Variants in KDM5A observed in about 807,000 individuals in gnomAD.
KDM5A encodes lysine demethylase 5A, also known as lysine-specific demethylase 5A.
KDM5A carries 42 observed loss-of-function variants against 193.5 expected under a neutral mutation model. The observed-to-expected ratio is 0.22, with a 90% CI of 0.17 to 0.28. The LOEUF is 0.28. Among genes scored for constraint, KDM5A ranks in the 10% least tolerant of loss-of-function variants. KDM5A has a pLI of 1.00. For synonymous variants in KDM5A, 796 were observed against 718.1 expected (o/e 1.11, Z -1.73); for missense variants, 1,692 against 2,055.1 (o/e 0.82, Z 3.42).
chr12:348,055 A>C (rs1944101121), intron 10 of KDM5A, among the ~76,000 whole-genome samples: 1 of 152,178 alleles, frequency 6.6e-6, no homozygotes. Flanking sequence ...AAGAACTCAA[A>C]CAAATTTACA....
Position 307,323 on chromosome 12 carries a change from G to A in KDM5A, c.3930+131C>T. The A allele has an allele frequency of 9.2e-7, 1 of 1,086,620 alleles. No individual in the cohort carries two copies. The highest frequency in any genetic ancestry group is 1.4e-6 in the Non-Finnish European group (1 of 725,624). The allele number at this position is 1,086,620 out of a possible 1,614,324, so 67.3% of individuals were successfully genotyped here. A position where few individuals can be genotyped will look rare whatever the true frequency, so the allele number is the denominator to read the frequency against. ...AAAAAGTGCTATAGTGTATGTTGAA[G>A]GAGAATGCAATGGATAATTGCTGAC... On this transcript the variant is annotated intron_variant, in intron 23 of 27. Transcript: ENST00000399788. This position sits in a 1 kb window ranked among gnomAD's most constrained non-coding sequence, Gnocchi z 4.3.
rs1943138809 is a variant in KDM5A at position 280,087 on chromosome 12, A to G, written c.*5369T>C. Reference sequence around the variant, plus strand: ...ATTAAATCAAGTCTTTCTTCCTACCAAAGTAGAAATACACTTTACAGAACA... The same window carrying G: ...ATTAAATCAAGTCTTTCTTCCTACCGAAGTAGAAATACACTTTACAGAACA... On this transcript the variant is annotated 3_prime_UTR_variant, in exon 28 of 28. Transcript: ENST00000399788. 9.0e-6 allele frequency: 2 copies of G among 223,018 alleles called. No individual in the cohort carries two copies. The highest frequency in any genetic ancestry group is 2.2e-5 in the African/African-American group (1 of 44,964). The allele number at this position is 223,018 out of a possible 1,614,324, so 13.8% of individuals were successfully genotyped here.
intron 27 of KDM5A, among the ~76,000 whole-genome samples, chr12:286,853 T>A (rs1390454182): frequency 6.6e-6 from 1 of 152,156 alleles, no homozygotes; most frequent in Non-Finnish European, 1.5e-5. Flanking sequence ...ACTTGTTTTG[T>A]TCCTATGCTA....
At chr12:311,221 C>T (rs1943582034) in intron 20 of KDM5A, 157 bp from the exon 21 acceptor site, 1 of 685,986 alleles carries the variant, frequency 1.5e-6, no homozygotes, top group Admixed American at 2.8e-5. Context: ...TTCCAATGTC[C>T]TATTTTTTAA....
At chr12:380,547 T>C (rs1469499020) in intron 3 of KDM5A, among the ~76,000 whole-genome samples, 2 of 151,982 alleles carry the variant, frequency 1.3e-5, no homozygotes, top group African/African-American at 2.4e-5. Context: ...AAAAACCCCA[T>C]CTTTACTAAA....
intron 14 of KDM5A, among the ~76,000 whole-genome samples, chr12:326,698 A>G (rs980669551): frequency 6.6e-6 from 1 of 152,002 alleles, no homozygotes; most frequent in African/African-American, 2.4e-5. Flanking sequence ...CATCTCTACT[A>G]AAAATACAAA....
rs993539255 is a variant in KDM5A at position 310,845 on chromosome 12, AAATT to A, written c.3216+36_3216+39del. On this transcript the variant is annotated intron_variant, in intron 21 of 27. Transcript: ENST00000399788. ...ACCCTCACCAATACTATTACTACTT[AAATT>A]ATCAGCTGCTTATGAGAGTGTTGAA... 5.0e-6 allele frequency: 8 copies of A among 1,595,030 alleles called. No individual in the cohort carries two copies. The African/African-American group carries it at 8.1e-5, about 16-fold the overall frequency.
chr12:309,879 T>C lies in KDM5A; in HGVS notation c.3302A>G (p.Lys1101Arg). The C allele has an allele frequency of 6.2e-7, 1 of 1,613,854 alleles. No individual in the cohort carries two copies. Residue 1101 changes from lysine (K) to arginine (R), a missense_variant, in exon 22 of 28, where the codon AAA (lysine) becomes AGA (arginine). Physicochemically the swap from Lys to Arg is conservative, Grantham distance 26. Transcript: ENST00000399788. ...AGGCTCCAGGTCCAGATCCTTTTCT[T>C]TTTCTTTTTCTATTAGTTCTTTTAC... ...KKVKELIEKE[K>R]EKDLDLEPLS...
intron 10 of KDM5A, among the ~76,000 whole-genome samples, chr12:336,033 T>C (rs1222861811): frequency 1.0e-5 from 1 of 96,932 alleles, no homozygotes; most frequent in South Asian, 3.2e-4. Flanking sequence ...ACAAGAGCGA[T>C]ACTTCATCTC....
intron 14 of KDM5A, among the ~76,000 whole-genome samples, chr12:326,609 C>T (rs572665275): frequency 3.3e-5 from 5 of 152,178 alleles, no homozygotes; most frequent in Non-Finnish European, 7.3e-5. Flanking sequence ...CGCCTGTAAT[C>T]CCAGCACTTT....
intron 5 of KDM5A, among the ~76,000 whole-genome samples, chr12:358,894 C>G (rs555459155): frequency 6.6e-6 from 1 of 152,086 alleles, no homozygotes; most frequent in African/African-American, 2.4e-5. Context: ...CTGCTTGAAC[C>G]CGGAAGGCAG....
rs149401930 is a variant in KDM5A, at chr12:291,603, G to T, written c.4866+1156C>A. Among the ~76,000 whole-genome samples the T allele has an allele frequency of 1.8e-4, 28 of 152,144 alleles. No individual in the cohort carries two copies. In the East Asian group the frequency reaches 4.8e-3, roughly 26 times the overall value. ...TAAGTATTTCATTGAAAAAGTGAGG[G>T]CATAACCTATAGGGAACAGTGATGC... On this transcript the variant is annotated intron_variant, in intron 27 of 27. Transcript: ENST00000399788.
intron 20 of KDM5A, among the ~76,000 whole-genome samples, chr12:311,760 G>A (rs1182047963): frequency 3.3e-5 from 5 of 152,096 alleles, no homozygotes; most frequent in Non-Finnish European, 5.9e-5. Context: ...CAGGCCAGGC[G>A]CGGTGGCTCA....
At chr12:298,805 A>C (rs896712237) in intron 24 of KDM5A, among the ~76,000 whole-genome samples, 1 of 152,104 alleles carries the variant, frequency 6.6e-6, no homozygotes, top group African/African-American at 2.4e-5. Context: ...AACCTTCAGG[A>C]AAGGTTAGAG....
intron 3 of KDM5A, among the ~76,000 whole-genome samples, chr12:381,499 G>C (rs1307905270): frequency 1.3e-5 from 2 of 152,052 alleles, no homozygotes; most frequent in Non-Finnish European, 2.9e-5. Flanking sequence ...AAACTTAGTA[G>C]GTAAGTTTTG....
chr12:375,383 A>AT lies in KDM5A; in HGVS notation c.366+8647dup, dbSNP rs1455695060. On this transcript the variant is annotated intron_variant, in intron 3 of 27. Coordinates refer to ENST00000399788, the MANE Select transcript of KDM5A (RefSeq NM_001042603.3). ...TCAAATTGGCTACTGAAGCTTGTGC[A>AT]TTCATCACGTAGTTGTTCTCGTGCC... Among the ~76,000 whole-genome samples the AT allele has an allele frequency of 3.9e-5, 6 of 152,308 alleles. No individual in the cohort carries two copies. The East Asian group carries it at 5.8e-4, about 15-fold the overall frequency.
chr12:306,230 C>G (rs1273798547), intron 24 of KDM5A, among the ~76,000 whole-genome samples: 1 of 151,942 alleles, frequency 6.6e-6, no homozygotes, highest in African/African-American at 2.4e-5. Flanking sequence ...ACCTCAGTCT[C>G]CCCTAAATTG....
chr12:280,990 G>A lies in KDM5A; in HGVS notation c.*4466C>T, dbSNP rs925598677. The A allele has an allele frequency of 2.1e-5, 5 of 232,670 alleles. No individual in the cohort carries two copies. The highest frequency in any genetic ancestry group is 1.1e-4 in the African/African-American group (5 of 45,292). 14.4% of individuals were successfully genotyped at this position (232,670 alleles called of 1,614,324 possible). ...CCATATACTCACTAGTTTTCCTCAG[G>A]ATTATCAATACTCATTATCAAAATG... On this transcript the variant is annotated 3_prime_UTR_variant, in exon 28 of 28. Coordinates refer to ENST00000399788, the MANE Select transcript of KDM5A (RefSeq NM_001042603.3).
intron 3 of KDM5A, among the ~76,000 whole-genome samples, chr12:380,493 A>G (rs1426666925): frequency 4.6e-5 from 7 of 152,188 alleles, no homozygotes; most frequent in Non-Finnish European, 1.5e-5. Flanking sequence ...AGGTGGGCAG[A>G]TCATTTCAGG....
Sources: gnomAD v4.1 joint callset for allele counts (sites outside exome capture counted in the v4.1 genomes callset) on GRCh38, gnomAD v4.1.1 for gene constraint, Gnocchi (gnomAD v3.1) non-coding constraint, MANE v1.5 for transcripts, NCBI Gene and HGNC (gene_info 2026-07-23, HGNC 2026-07-21) for gene names.